Variants in SCAMP1 observed in about 807,000 individuals in gnomAD.
SCAMP1 encodes the protein secretory carrier-associated membrane protein 1.
Under a neutral mutation model 41.8 loss-of-function variants are expected in SCAMP1, and 15 were observed. That is an observed-to-expected ratio of 0.36 (90% CI 0.24 to 0.55). SCAMP1 has a LOEUF of 0.55. Ranked by LOEUF, SCAMP1 falls within the 20% of genes least tolerant of loss-of-function variation. The pLI is 0.86. For missense variants in SCAMP1, 341 were observed against 412.6 expected, an observed-to-expected ratio of 0.83 and a Z score of 1.50; for synonymous variants, 135 against 136.8, an observed-to-expected ratio of 0.99 and a Z score of 0.09.
At chr5:78,365,780 G>C (rs1561247507) in intron 1 of SCAMP1, among the ~76,000 whole-genome samples, 1 of 152,104 alleles carries the variant, frequency 6.6e-6, no homozygotes, top group Non-Finnish European at 1.5e-5. Context: ...ATTAATTTTA[G>C]TCTATTGAAA....
At chr5:78,436,731 T>C (rs1383698343) in intron 6 of SCAMP1, among the ~76,000 whole-genome samples, 1 of 152,224 alleles carries the variant, frequency 6.6e-6, no homozygotes, top group African/African-American at 2.4e-5. Context: ...CATATGAACT[T>C]TACCGTAGTT....
intron 8 of SCAMP1, among the ~76,000 whole-genome samples, chr5:78,469,923 AAAAAAAAAAC>A (rs1753841405): frequency 4.9e-5 from 1 of 20,260 alleles, no homozygotes; most frequent in African/African-American, 2.9e-4. Context: ...CAAAAAAAAA[AAAAAAAAAAC>A]AACAACACAG....
intron 7 of SCAMP1, among the ~76,000 whole-genome samples, chr5:78,455,250 T>C (rs1180707886): frequency 1.3e-5 from 2 of 149,882 alleles, no homozygotes; most frequent in Non-Finnish European, 3.0e-5. Flanking sequence ...TGCCCTTGCT[T>C]TTCTAGTTCT....
chr5:78,393,522 G>A (rs1462188532), intron 2 of SCAMP1, among the ~76,000 whole-genome samples: 1 of 152,170 alleles, frequency 6.6e-6, no homozygotes, highest in Non-Finnish European at 1.5e-5. Flanking sequence ...TCAGAGAAAG[G>A]AGTTGTAACA....
chr5:78,440,680 C>T (rs552123053), intron 6 of SCAMP1, among the ~76,000 whole-genome samples: 87 of 152,284 alleles, frequency 5.7e-4, no homozygotes, highest in African/African-American at 1.4e-3. Context: ...GGAGGCAGTC[C>T]GTCCGTCCTC....
At chr5:78,425,580 A>T (rs1968382) in intron 6 of SCAMP1, among the ~76,000 whole-genome samples, 1 of 151,990 alleles carries the variant, frequency 6.6e-6, no homozygotes, top group Non-Finnish European at 1.5e-5. Flanking sequence ...GTAGCTGTGC[A>T]AATACTTTTT....
At chr5:78,432,219 A>C (rs916930431) in intron 6 of SCAMP1, among the ~76,000 whole-genome samples, 2 of 152,124 alleles carry the variant, frequency 1.3e-5, no homozygotes, top group Non-Finnish European at 2.9e-5. Context: ...TTTAATTTTA[A>C]AAGAATTAAA....
At chr5:78,376,194 C>T (rs541175420) in intron 1 of SCAMP1, among the ~76,000 whole-genome samples, 1 of 152,190 alleles carries the variant, frequency 6.6e-6, no homozygotes, top group South Asian at 2.1e-4. Flanking sequence ...TTCTAGCCGG[C>T]CGACACTTAT....
intron 2 of SCAMP1, among the ~76,000 whole-genome samples, chr5:78,396,094 A>C (rs1356975174): frequency 2.0e-5 from 3 of 152,196 alleles, no homozygotes; most frequent in African/African-American, 7.2e-5. Flanking sequence ...GAACCCCCAG[A>C]ATACCTATCC....
chr5:78,468,000 A>T (rs925751988), intron 8 of SCAMP1, among the ~76,000 whole-genome samples: 1 of 152,022 alleles, frequency 6.6e-6, no homozygotes, highest in African/African-American at 2.4e-5. Flanking sequence ...CACGGTTTTG[A>T]CTCTAGAATT....
chr5:78,416,770 G>T, intron 4 of SCAMP1, 121 bp downstream of exon 4: 1 of 675,664 alleles, frequency 1.5e-6, no homozygotes. Flanking sequence ...GTTCTAACAA[G>T]GAGATCAGAC....
At chr5:78,411,897 G>A (rs922250417) in intron 2 of SCAMP1, among the ~76,000 whole-genome samples, 20 of 152,120 alleles carry the variant, frequency 1.3e-4, no homozygotes, top group African/African-American at 3.9e-4. Context: ...ACTTTTCAGT[G>A]TGTGAGAATA....
chr5:78,447,840 CT>C (rs549060727), intron 6 of SCAMP1, among the ~76,000 whole-genome samples: 2 of 94,442 alleles, frequency 2.1e-5, no homozygotes, highest in South Asian at 5.3e-4. Context: ...CCCCTCCCTT[CT>C]TTCCCCTCCC....
chr5:78,361,054 C>T (rs1213816417), intron 1 of SCAMP1: 13 of 259,836 alleles, frequency 5.0e-5, no homozygotes, highest in Non-Finnish European at 8.9e-5. Context: ...AAGCCGAGGG[C>T]AGGTAGAGTC....
chr5:78,425,369 G>T (rs1405576041), intron 6 of SCAMP1, among the ~76,000 whole-genome samples: 1 of 152,142 alleles, frequency 6.6e-6, no homozygotes, highest in African/African-American at 2.4e-5. Flanking sequence ...GCACTGGTAT[G>T]TTTCCATTTC....
intron 1 of SCAMP1, among the ~76,000 whole-genome samples, chr5:78,378,986 G>T (rs1460245416): frequency 1.3e-5 from 2 of 152,212 alleles, no homozygotes; most frequent in African/African-American, 4.8e-5. Context: ...GCGTGCTGAA[G>T]TTTGAGAACC....
intron 6 of SCAMP1, among the ~76,000 whole-genome samples, chr5:78,435,775 C>T (rs1234277689): frequency 6.6e-6 from 1 of 152,088 alleles, no homozygotes; most frequent in Non-Finnish European, 1.5e-5. Flanking sequence ...GGTATTTCTA[C>T]TTCTAGATCC....
At chr5:78,414,449 A>AT (rs1264466144) in intron 2 of SCAMP1, among the ~76,000 whole-genome samples, 1 of 151,728 alleles carries the variant, frequency 6.6e-6, no homozygotes, top group Admixed American at 6.6e-5. Context: ...CACCTGGCTA[A>AT]TTTTTGTATT....
chr5:78,373,167 A>C (rs191806103), intron 1 of SCAMP1, among the ~76,000 whole-genome samples: 1 of 152,234 alleles, frequency 6.6e-6, no homozygotes, highest in East Asian at 1.9e-4. Flanking sequence ...TCTCCCTGAC[A>C]CCAGGCTAAG....
Sources: gnomAD v4.1 joint callset for allele counts (sites outside exome capture counted in the v4.1 genomes callset) on GRCh38, gnomAD v4.1.1 for gene constraint, MANE v1.5 for transcripts, NCBI Gene and HGNC (gene_info 2026-07-23, HGNC 2026-07-21) for gene names.